NFAT5: variants seen among roughly 807,000 people sequenced by gnomAD.
The protein encoded by NFAT5 is nuclear factor of activated T-cells 5.
Under a neutral mutation model 166.5 loss-of-function variants are expected in NFAT5, and 31 were observed. The ratio of observed to expected loss-of-function variants is 0.19; its 90% CI spans 0.14 to 0.25. The LOEUF (loss-of-function observed/expected upper bound fraction) is 0.25, where lower values mean the gene tolerates loss of function less well. Among genes scored for constraint, NFAT5 ranks in the 10% least tolerant of loss-of-function variants. The pLI, the probability that NFAT5 is intolerant of heterozygous loss-of-function variation, is 1.00. For missense variants in NFAT5, 1,449 were observed against 1,821.8 expected (o/e 0.80, Z 3.72); for synonymous variants, 612 against 639.7 (o/e 0.96, Z 0.65).
intron 2 of NFAT5, among the ~76,000 whole-genome samples, chr16:69,615,257 T>C (rs930483102): frequency 6.6e-6 from 1 of 152,176 alleles, no homozygotes; most frequent in African/African-American, 2.4e-5. Flanking sequence ...GCCAGGCTGC[T>C]CTCGAACTTG....
chr16:69,617,004 C>A (rs1327899353), intron 2 of NFAT5, among the ~76,000 whole-genome samples: 2 of 147,460 alleles, frequency 1.4e-5, no homozygotes, highest in South Asian at 2.2e-4. Context: ...GAGTAAGTGG[C>A]GCGATCTCGG....
At chr16:69,599,500 G>A (rs914794574) in intron 2 of NFAT5, among the ~76,000 whole-genome samples, 14 of 152,194 alleles carry the variant, frequency 9.2e-5, no homozygotes, top group African/African-American at 1.4e-4. Context: ...GAACCCAGGA[G>A]GCGAATGTTG....
intron 2 of NFAT5, among the ~76,000 whole-genome samples, chr16:69,611,009 C>T (rs947834753): frequency 1.3e-5 from 2 of 152,026 alleles, no homozygotes; most frequent in Admixed American, 6.6e-5. Context: ...CCTATGCACA[C>T]GAAATGAACA....
intron 2 of NFAT5, among the ~76,000 whole-genome samples, chr16:69,584,318 CTCTT>C (rs1397427031): frequency 6.8e-6 from 1 of 146,684 alleles, no homozygotes; most frequent in Non-Finnish European, 1.5e-5. Context: ...TGTTCTGTGT[CTCTT>C]TTTTTTTTTT....
intron 9 of NFAT5, among the ~76,000 whole-genome samples, chr16:69,674,436 A>T (rs1196051278): frequency 6.6e-6 from 1 of 151,974 alleles, no homozygotes; most frequent in African/African-American, 2.4e-5. Context: ...GATGAGTTAT[A>T]TATAACATTA....
At chr16:69,571,807 T>A (rs1476386685) in intron 2 of NFAT5, among the ~76,000 whole-genome samples, 1 of 152,050 alleles carries the variant, frequency 6.6e-6, no homozygotes, top group Non-Finnish European at 1.5e-5. Flanking sequence ...TCGCCCAGGT[T>A]GGAGTGCAGT....
intron 2 of NFAT5, among the ~76,000 whole-genome samples, chr16:69,619,317 C>A (rs532936740): frequency 1.3e-5 from 2 of 152,066 alleles, no homozygotes; most frequent in Non-Finnish European, 2.9e-5. Context: ...GTGCTCTATC[C>A]GTGTATAGCC....
intron 9 of NFAT5, among the ~76,000 whole-genome samples, chr16:69,673,551 C>T (rs2036709713): frequency 6.6e-6 from 1 of 151,706 alleles, no homozygotes. Flanking sequence ...AGTGAGATCC[C>T]ATCTCTACAA....
intron 7 of NFAT5, among the ~76,000 whole-genome samples, chr16:69,664,736 T>C (rs886226047): frequency 3.7e-4 from 57 of 152,162 alleles, no homozygotes; most frequent in African/African-American, 1.3e-3. Flanking sequence ...AGTCAGCTTA[T>C]AAATAACTTG....
At chr16:69,602,504 G>A (rs1302856816) in intron 2 of NFAT5, among the ~76,000 whole-genome samples, 6 of 151,384 alleles carry the variant, frequency 4.0e-5, no homozygotes, top group Non-Finnish European at 7.4e-5. Flanking sequence ...CTGACCTCAG[G>A]TGATCCGCCA....
chr16:69,649,467 C>A, intron 4 of NFAT5: 1 of 984,256 alleles, frequency 1.0e-6, no homozygotes, highest in Non-Finnish European at 1.2e-6. Context: ...TTTGAGGTTA[C>A]CCAGGGAAAG....
rs2037923809 is a variant in NFAT5, at chr16:69,702,992, T to C, written c.*6641T>C. ...ATTTAAATATATAGGTGCAATGTTC[T>C]ATGTTTATTTTAATTGTTATGACAT... is the stretch of plus-strand genomic sequence containing the variant. On this transcript the variant is annotated 3_prime_UTR_variant, in exon 15 of 15. Coordinates refer to ENST00000349945, the MANE Select transcript of NFAT5 (RefSeq NM_138713.4). 6.6e-6 allele frequency: 1 copy of C among 152,668 alleles called. No homozygotes were observed. The highest frequency in any genetic ancestry group is 2.1e-4 in the South Asian group (1 of 4,834). The allele number at this position is 152,668 out of a possible 1,614,324, so 9.5% of individuals were successfully genotyped here.
At chr16:69,611,770 C>T (rs2033713705) in intron 2 of NFAT5, among the ~76,000 whole-genome samples, 1 of 152,202 alleles carries the variant, frequency 6.6e-6, no homozygotes, top group African/African-American at 2.4e-5. Flanking sequence ...CCTCTTAACA[C>T]TATTACATTG....
At chr16:69,604,586 A>C (rs1194273175) in intron 2 of NFAT5, among the ~76,000 whole-genome samples, 9 of 152,036 alleles carry the variant, frequency 5.9e-5, no homozygotes, top group African/African-American at 1.9e-4. Flanking sequence ...TTTTTTAAAA[A>C]TTTTTTATTG....
At chr16:69,642,822 A>AGAAAAGAGC (rs1567567419) in intron 3 of NFAT5, among the ~76,000 whole-genome samples, 23 of 137,808 alleles carry the variant, frequency 1.7e-4, no homozygotes, top group African/African-American at 7.7e-4. Context: ...GTCTCAAAAA[A>AGAAAAGAGC]AAGAAAAGAA....
At chr16:69,673,964 C>T (rs2036728218) in intron 9 of NFAT5, among the ~76,000 whole-genome samples, 1 of 151,910 alleles carries the variant, frequency 6.6e-6, no homozygotes, top group South Asian at 2.1e-4. Context: ...ATAAATATTG[C>T]CAGGCGTGTG....
chr16:69,580,330 C>G (rs933425131), intron 2 of NFAT5, among the ~76,000 whole-genome samples: 3 of 151,944 alleles, frequency 2.0e-5, no homozygotes, highest in Non-Finnish European at 4.4e-5. Context: ...GAGTTCAAGA[C>G]CAGCCTGGGC....
Position 69,647,686 on chromosome 16 carries a change from A to G in NFAT5, c.812+100A>G. 3 of 1,089,414 alleles carry G rather than the reference A, an allele frequency of 2.8e-6. No individual in the cohort carries two copies. Among genetic ancestry groups the G allele is most frequent in the South Asian group, 3.3e-5 (2 of 60,840 alleles). 67.5% of individuals were successfully genotyped at this position (1,089,414 alleles called of 1,614,324 possible). A position where few individuals can be genotyped will look rare whatever the true frequency, so the allele number is the denominator to read the frequency against. ...CTAATTGCTGAGCTCAAGTTTGCATATAAAGCAACAGTGCTAATTTTATCA... is the reference window on the plus strand; with the variant it reads ...CTAATTGCTGAGCTCAAGTTTGCATGTAAAGCAACAGTGCTAATTTTATCA... On this transcript the variant is annotated intron_variant, in intron 4 of 14. Transcript: ENST00000349945. The surrounding 1 kb of genome is among the most constrained non-coding windows in gnomAD (Gnocchi z 4.8).
intron 4 of NFAT5, among the ~76,000 whole-genome samples, chr16:69,652,258 C>T (rs1294837295): frequency 1.3e-5 from 2 of 151,802 alleles, no homozygotes; most frequent in Non-Finnish European, 2.9e-5. Flanking sequence ...TCGAGACCAG[C>T]CTGGACAACA....
Sources: allele counts gnomAD v4.1 joint callset (sites outside exome capture counted in the v4.1 genomes callset), GRCh38; gene constraint gnomAD v4.1.1; non-coding constraint Gnocchi (gnomAD v3.1); transcripts MANE v1.5; gene names NCBI Gene and HGNC (gene_info 2026-07-23, HGNC 2026-07-21).